Variants in RAD51B observed in about 807,000 individuals in gnomAD.
RAD51B encodes RAD51 paralog B, also known as DNA repair protein RAD51 homolog 2.
Under a neutral mutation model 42.2 loss-of-function variants are expected in RAD51B, and 38 were observed. That is an observed-to-expected ratio of 0.90 (90% confidence interval 0.70 to 1.18). The LOEUF is 1.18. Among genes scored for constraint, RAD51B ranks in the 50% most tolerant of loss-of-function variants. The pLI is 0.00. For missense variants in RAD51B, 373 were observed against 400.7 expected (o/e 0.93, Z 0.59); for synonymous variants, 154 against 145.2 (o/e 1.06, Z -0.43).
intron 7 of RAD51B, among the ~76,000 whole-genome samples, chr14:68,199,380 A>G (rs2079437736): frequency 6.6e-6 from 1 of 152,166 alleles, no homozygotes; most frequent in East Asian, 1.9e-4. Flanking sequence ...TCTTTTTCAC[A>G]TGAACTCTTA....
chr14:67,925,182 G>A (rs2044460598), intron 7 of RAD51B, among the ~76,000 whole-genome samples: 1 of 152,194 alleles, frequency 6.6e-6, no homozygotes, highest in Non-Finnish European at 1.5e-5. Context: ...GCTTTGCAGG[G>A]TACAGCCCCC....
chr14:68,266,589 G>C (rs1390829838), intron 7 of RAD51B, among the ~76,000 whole-genome samples: 2 of 152,312 alleles, frequency 1.3e-5, no homozygotes, highest in South Asian at 4.1e-4. Flanking sequence ...GTATGCCAGG[G>C]TGCCATATTT....
chr14:67,938,746 G>A (rs1156679308), intron 7 of RAD51B, among the ~76,000 whole-genome samples: 1 of 152,204 alleles, frequency 6.6e-6, no homozygotes, highest in African/African-American at 2.4e-5. Context: ...AATTAAACTT[G>A]TGTGCGTGAC....
At chr14:68,213,425 A>G (rs1852113803) in intron 7 of RAD51B, among the ~76,000 whole-genome samples, 2 of 152,218 alleles carry the variant, frequency 1.3e-5, no homozygotes, top group Non-Finnish European at 2.9e-5. Context: ...GCCCATGCTC[A>G]TAACTGTATT....
chr14:68,495,356 A>AG (rs1884426789), intron 10 of RAD51B, among the ~76,000 whole-genome samples: 1 of 151,906 alleles, frequency 6.6e-6, no homozygotes, highest in African/African-American at 2.4e-5. Context: ...GATTCCTCCG[A>AG]GCCCCTTTGC....
chr14:68,571,567 C>T (rs958443551), intron 10 of RAD51B, among the ~76,000 whole-genome samples: 28 of 152,184 alleles, frequency 1.8e-4, no homozygotes, highest in African/African-American at 6.5e-4. Flanking sequence ...TCTTCTGCCT[C>T]CCTCTTCTTC....
intron 10 of RAD51B, among the ~76,000 whole-genome samples, chr14:68,508,361 G>A (rs1390287636): frequency 1.3e-5 from 2 of 152,154 alleles, no homozygotes; most frequent in African/African-American, 2.4e-5. Context: ...TAAAGTTCAA[G>A]GAGAAGCTTA....
At chr14:68,528,841 G>A (rs1476076730) in intron 10 of RAD51B, among the ~76,000 whole-genome samples, 2 of 152,204 alleles carry the variant, frequency 1.3e-5, no homozygotes, top group Non-Finnish European at 2.9e-5. Flanking sequence ...CATTAATTTT[G>A]TGAGGTAGGT....
chr14:68,184,210 G>C (rs1160114756), intron 7 of RAD51B, among the ~76,000 whole-genome samples: 1 of 151,996 alleles, frequency 6.6e-6, no homozygotes, highest in Non-Finnish European at 1.5e-5. Context: ...TTGAACCCAA[G>C]AGTGCAAGGT....
chr14:67,904,257 T>G (rs1270816642), intron 7 of RAD51B, among the ~76,000 whole-genome samples: 3 of 152,084 alleles, frequency 2.0e-5, no homozygotes, highest in Non-Finnish European at 4.4e-5. Flanking sequence ...TATATTCCTT[T>G]GGTTATATAC....
chr14:68,324,589 G>T (rs1191774704), intron 8 of RAD51B, among the ~76,000 whole-genome samples: 1 of 151,982 alleles, frequency 6.6e-6, no homozygotes, highest in Non-Finnish European at 1.5e-5. Flanking sequence ...TTCCTTTTAT[G>T]TTATGTAAAT....
At chr14:68,682,063 A>C (rs1893442958) in intron 11 of RAD51B, among the ~76,000 whole-genome samples, 1 of 152,228 alleles carries the variant, frequency 6.6e-6, no homozygotes, top group Non-Finnish European at 1.5e-5. Flanking sequence ...AACATTAAAA[A>C]AAAGAATTCC....
At chr14:67,831,947 T>C (rs2041065476) in intron 3 of RAD51B, among the ~76,000 whole-genome samples, 1 of 152,174 alleles carries the variant, frequency 6.6e-6, no homozygotes, top group Non-Finnish European at 1.5e-5. Flanking sequence ...CTTTGCATGT[T>C]TGAGAAAGTA....
intron 7 of RAD51B, among the ~76,000 whole-genome samples, chr14:68,264,022 G>C (rs1292282280): frequency 2.0e-5 from 3 of 152,200 alleles, no homozygotes; most frequent in Non-Finnish European, 4.4e-5. Context: ...AAACACAAAA[G>C]TGAACTATGA....
At chr14:68,370,755 G>A (rs1179792723) in intron 8 of RAD51B, among the ~76,000 whole-genome samples, 1 of 152,144 alleles carries the variant, frequency 6.6e-6, no homozygotes, top group Non-Finnish European at 1.5e-5. Context: ...TTTAAAAAAT[G>A]AAGAATTGGC....
intron 10 of RAD51B, among the ~76,000 whole-genome samples, chr14:68,576,075 G>C (rs1325406574): frequency 6.6e-6 from 1 of 152,126 alleles, no homozygotes; most frequent in East Asian, 1.9e-4. Flanking sequence ...CAGCATAGAG[G>C]TGGCCACCTG....
intron 7 of RAD51B, among the ~76,000 whole-genome samples, chr14:67,997,842 A>T (rs553272758): frequency 6.6e-6 from 1 of 152,132 alleles, no homozygotes; most frequent in Admixed American, 6.5e-5. Flanking sequence ...GTGTGCTTCA[A>T]GTTCATTATC....
rs1340107766 is a variant in RAD51B, at chr14:68,239,508, C to A, written c.757-52376C>A. On this transcript the variant is annotated intron_variant, in intron 7 of 10. Transcript: ENST00000471583. ...CCAAAAAGCTGTCCTTCTCCACAGT[C>A]TTTTTTTTTTTTCTTTTTTAAACTG... 2.7e-5 allele frequency among the ~76,000 whole-genome samples: 4 copies of A among 146,296 alleles called. No individual in the cohort carries two copies. The Admixed American group carries it at 2.7e-4, about 10-fold the overall frequency.
intron 7 of RAD51B, among the ~76,000 whole-genome samples, chr14:68,072,122 A>T (rs1214833417): frequency 4.1e-5 from 5 of 122,462 alleles, no homozygotes; most frequent in Non-Finnish European, 8.4e-5. Flanking sequence ...AAATATATAA[A>T]ATATATATAT....
Sources: gnomAD v4.1 joint callset for allele counts (sites outside exome capture counted in the v4.1 genomes callset) on GRCh38, gnomAD v4.1.1 for gene constraint, MANE v1.5 for transcripts, NCBI Gene and HGNC (gene_info 2026-07-23, HGNC 2026-07-21) for gene names.